BCO1: variants seen among roughly 807,000 people sequenced by gnomAD.
The protein encoded by BCO1 is beta,beta-carotene 15,15'-dioxygenase.
BCO1 carries 54 observed loss-of-function variants against 56.3 expected under a neutral mutation model. The ratio of observed to expected loss-of-function variants is 0.96; its 90% confidence interval spans 0.77 to 1.20. The LOEUF (loss-of-function observed/expected upper bound fraction) is 1.20. Ranked by LOEUF, BCO1 falls within the 50% of genes most tolerant of loss-of-function variation. BCO1 has a pLI of 0.00. For synonymous variants in BCO1, 318 were observed against 266.1 expected, an observed-to-expected ratio of 1.20 and a Z score of -1.90; for missense variants, 801 against 690.9, an observed-to-expected ratio of 1.16 and a Z score of -1.79.
chr16:81,239,001 T>C (rs1447990697), intron 1 of BCO1, 29 bp downstream of exon 1: 2 of 1,590,946 alleles, frequency 1.3e-6, no homozygotes, highest in Non-Finnish European at 8.6e-7. Flanking sequence ...ACTGGGCTCT[T>C]TCTTCTATTT....
At position 81,267,999 on chromosome 16, in the gene BCO1, C is replaced by T; in HGVS notation, c.711C>T (p.His237=). The T allele has an allele frequency of 1.9e-6, 3 of 1,614,014 alleles. No homozygotes were observed. Among genetic ancestry groups the T allele is most frequent in the Non-Finnish European group, 2.5e-6 (3 of 1,180,016 alleles). Residue 237 remains histidine (H), a synonymous_variant, in exon 6 of 11, where the codon CAC becomes CAT. Transcript: ENST00000258168. ...SRSLLSPSYY[H]SFGVTENYVI... ...CCCTGCTCTCCCCAAGCTACTACCA[C>T]AGCTTTGGAGTCACCGAGAACTATG... is the stretch of plus-strand genomic sequence containing the variant.
At chr16:81,272,558 G>T (rs11150378) in intron 7 of BCO1, among the ~76,000 whole-genome samples, 2 of 152,198 alleles carry the variant, frequency 1.3e-5, no homozygotes, top group Non-Finnish European at 2.9e-5. Flanking sequence ...TCTGATGTTG[G>T]AAGTTCCGTT....
At chr16:81,273,548 T>G (rs1907368807) in intron 7 of BCO1, among the ~76,000 whole-genome samples, 1 of 152,044 alleles carries the variant, frequency 6.6e-6, no homozygotes, top group Admixed American at 6.6e-5. Flanking sequence ...CTCTCCCATC[T>G]CTCCAGCATT....
At chr16:81,256,653 C>T (rs1023708825) in intron 2 of BCO1, among the ~76,000 whole-genome samples, 5 of 152,136 alleles carry the variant, frequency 3.3e-5, no homozygotes, top group South Asian at 2.1e-4. Flanking sequence ...TTTGGGAGGC[C>T]GAGGCAGGCA....
chr16:81,272,119 T>G (rs1373206273), intron 7 of BCO1, among the ~76,000 whole-genome samples: 1 of 147,232 alleles, frequency 6.8e-6, no homozygotes, highest in Admixed American at 6.7e-5. Context: ...CTTTCTTTTT[T>G]TTTTTTTTTT....
intron 2 of BCO1, among the ~76,000 whole-genome samples, chr16:81,246,435 G>T (rs1432711352): frequency 6.6e-6 from 1 of 152,146 alleles, no homozygotes; most frequent in Non-Finnish European, 1.5e-5. Flanking sequence ...TTCCTAAAAA[G>T]GAGGCCAAGG....
Position 81,290,901 on chromosome 16 carries a change from A to G in BCO1, c.*324A>G, listed in dbSNP as rs1439857907. On this transcript the variant is annotated 3_prime_UTR_variant, in exon 11 of 11. Coordinates refer to ENST00000258168, the MANE Select transcript of BCO1 (RefSeq NM_017429.3). ...TCAATGACATTATCATCATTTTTAG[A>G]ACGAGCCACTAACCTATTAGAGAAG... The G allele has an allele frequency of 3.8e-6, 1 of 260,304 alleles. No individual in the cohort carries two copies. The highest frequency in any genetic ancestry group is 7.4e-6 in the Non-Finnish European group (1 of 135,678). The allele number at this position is 260,304 out of a possible 1,614,324, so 16.1% of individuals were successfully genotyped here.
intron 2 of BCO1, among the ~76,000 whole-genome samples, chr16:81,250,462 G>T (rs538623886): frequency 6.6e-6 from 1 of 152,042 alleles, no homozygotes; most frequent in East Asian, 1.9e-4. Context: ...GAAATGTTCA[G>T]TTCCACTCTA....
intron 1 of BCO1, among the ~76,000 whole-genome samples, chr16:81,243,484 T>TTCATTCATTC (rs1567696856): frequency 6.7e-5 from 7 of 104,246 alleles, no homozygotes; most frequent in African/African-American, 2.4e-4. Context: ...TTCATTCATT[T>TTCATTCATTC]ATGAGACGGA....
At chr16:81,261,367 T>C (rs1045162788) in intron 3 of BCO1, among the ~76,000 whole-genome samples, 2 of 152,246 alleles carry the variant, frequency 1.3e-5, no homozygotes, top group Admixed American at 6.5e-5. Flanking sequence ...TGTTCTTAAC[T>C]CATAATTAGT....
intron 7 of BCO1, among the ~76,000 whole-genome samples, chr16:81,273,601 T>C (rs963648045): frequency 6.6e-6 from 1 of 151,856 alleles, no homozygotes; most frequent in African/African-American, 2.4e-5. Context: ...ATGGTTTTTG[T>C]CATATTTTAT....
chr16:81,267,099 C>T (rs983410296), intron 5 of BCO1, among the ~76,000 whole-genome samples: 2 of 152,092 alleles, frequency 1.3e-5, no homozygotes, highest in African/African-American at 2.4e-5. Context: ...GGGTGCAGGG[C>T]GAGGCACATG....
chr16:81,290,426 C>A lies in BCO1; in HGVS notation c.1493C>A (p.Thr498Lys), dbSNP rs375017107. ...FLLILDAKSF[T>K]ELARASVDVD... ...CTCATTCTGGATGCCAAAAGCTTTA[C>A]GGAATTGGCCCGTGCCTCTGTTGAT... The change falls in exon 11 of 11, where the codon ACG (threonine) becomes AAG (lysine). Residue 498 changes from threonine (T) to lysine (K), a missense_variant. By Grantham distance (78) the Thr-to-Lys change is moderately conservative. Transcript: ENST00000258168. 6 of 1,614,176 alleles carry A rather than the reference C, an allele frequency of 3.7e-6. No individual in the cohort carries two copies. The highest frequency in any genetic ancestry group is 1.6e-4 in the Middle Eastern group (1 of 6,062).
intron 10 of BCO1, among the ~76,000 whole-genome samples, chr16:81,289,370 C>A (rs565802617): frequency 6.6e-6 from 1 of 152,118 alleles, no homozygotes; most frequent in African/African-American, 2.4e-5. Flanking sequence ...AAGCCAGGTG[C>A]GGTGGTTCAT....
At chr16:81,272,660 G>T (rs1328686081) in intron 7 of BCO1, among the ~76,000 whole-genome samples, 2 of 152,176 alleles carry the variant, frequency 1.3e-5, no homozygotes, top group African/African-American at 2.4e-5. Context: ...GACTTACAAA[G>T]GCTTCTGGCT....
intron 2 of BCO1, among the ~76,000 whole-genome samples, chr16:81,247,131 G>C (rs1352940635): frequency 6.6e-6 from 1 of 152,192 alleles, no homozygotes; most frequent in Non-Finnish European, 1.5e-5. Flanking sequence ...GATGGATTTA[G>C]CGGGCTTCGG....
At position 81,280,324 on chromosome 16, in the gene BCO1, G is replaced by GACACAC. The variant is rs10607036; in HGVS notation, c.1102-511_1102-506dup. Among the ~76,000 whole-genome samples the GACACAC allele has an allele frequency of 7.9e-3, 891 of 113,432 alleles. 19 individuals are homozygous for GACACAC. The highest frequency in any genetic ancestry group is 0.025 in the African/African-American group (841 of 33,440). The allele number at this position is 113,432 out of a possible 152,430, so 74.4% of individuals were successfully genotyped here. A position where few individuals can be genotyped will look rare whatever the true frequency, so the allele number is the denominator to read the frequency against. On this transcript the variant is annotated intron_variant, in intron 7 of 10. Coordinates refer to ENST00000258168, the MANE Select transcript of BCO1 (RefSeq NM_017429.3). ...AAAAAAAAAATTACACACACACACA[G>GACACAC]ACACACACACACACACACACACACA... is the stretch of plus-strand genomic sequence containing the variant.
chr16:81,242,631 C>T (rs139840946), intron 1 of BCO1, among the ~76,000 whole-genome samples: 1 of 152,260 alleles, frequency 6.6e-6, no homozygotes, highest in African/African-American at 2.4e-5. Flanking sequence ...CCCGGGTCCT[C>T]TCTCTGGTCT....
chr16:81,261,527 G>A lies in BCO1; in HGVS notation c.324-609G>A, dbSNP rs181642630. Among the ~76,000 whole-genome samples the A allele has an allele frequency of 2.3e-3, 351 of 152,258 alleles. 3 individuals are homozygous for A. Among genetic ancestry groups the A allele is most frequent in the African/African-American group, 8.2e-3 (341 of 41,530 alleles). ...ATATACGATTTCCGTAGAGCTTCTTGACATACTTTGGAACAGTATGTCTTG... is the reference window on the plus strand; with the variant it reads ...ATATACGATTTCCGTAGAGCTTCTTAACATACTTTGGAACAGTATGTCTTG... On this transcript the variant is annotated intron_variant, in intron 3 of 10. Transcript: ENST00000258168.
Sources: allele counts gnomAD v4.1 joint callset (sites outside exome capture counted in the v4.1 genomes callset), GRCh38; gene constraint gnomAD v4.1.1; transcripts MANE v1.5; gene names NCBI Gene and HGNC (gene_info 2026-07-23, HGNC 2026-07-21).